Variants in SLC26A11 observed in about 807,000 individuals in gnomAD.
SLC26A11 encodes sodium-independent sulfate anion transporter.
In SLC26A11, 58 loss-of-function variants were observed where a neutral mutation model predicts 62.2. The observed-to-expected ratio is 0.93, with a 90% CI of 0.76 to 1.16. The LOEUF (loss-of-function observed/expected upper bound fraction) is 1.16. Among genes scored for constraint, SLC26A11 ranks in the 50% most tolerant of loss-of-function variants. The pLI, the probability that SLC26A11 is intolerant of heterozygous loss-of-function variation, is 0.00. For missense variants in SLC26A11, 790 were observed against 794.3 expected (o/e 0.99, Z 0.06); for synonymous variants, 411 against 368.9 (o/e 1.11, Z -1.31).
At chr17:80,234,505 C>G (rs2042641946) in intron 7 of SLC26A11, among the ~76,000 whole-genome samples, 1 of 151,608 alleles carries the variant, frequency 6.6e-6, no homozygotes, top group South Asian at 2.1e-4. Context: ...TGTGTTTATG[C>G]TTGTGATTCA....
intron 9 of SLC26A11, among the ~76,000 whole-genome samples, chr17:80,240,900 T>C (rs372715970): frequency 1.3e-5 from 2 of 152,166 alleles, no homozygotes; most frequent in African/African-American, 4.8e-5. Flanking sequence ...TGCTTGAGCT[T>C]AGGAGTTTGA....
At position 80,246,880 on chromosome 17, in the gene SLC26A11, G is replaced by A. The variant is rs1037611264; in HGVS notation, c.1294+231G>A. On this transcript the variant is annotated intron_variant, in intron 13 of 17. Coordinates refer to ENST00000361193, the MANE Select transcript of SLC26A11 (RefSeq NM_001166347.2). The surrounding 1 kb of genome is among the most constrained non-coding windows in gnomAD (Gnocchi z 4.4). Reference sequence around the variant, plus strand: ...CCTGACACCTGGGGTCTTGAGGCGAGCACTGACCCGGGGGAGGGTCCCCTC... The same window carrying A: ...CCTGACACCTGGGGTCTTGAGGCGAACACTGACCCGGGGGAGGGTCCCCTC... 3.3e-5 allele frequency among the ~76,000 whole-genome samples: 5 copies of A among 151,988 alleles called. No homozygotes were observed. Among genetic ancestry groups the A allele is most frequent in the Admixed American group, 2.6e-4 (4 of 15,268 alleles).
Position 80,222,946 on chromosome 17 carries a change from GGT to G in SLC26A11, c.427+103_427+104del. The G allele has an allele frequency of 7.5e-7, 1 of 1,332,858 alleles. No homozygotes were observed. Among genetic ancestry groups the G allele is most frequent in the Non-Finnish European group, 1.0e-6 (1 of 961,524 alleles). The allele number at this position is 1,332,858 out of a possible 1,614,324, so 82.6% of individuals were successfully genotyped here. A position where few individuals can be genotyped will look rare whatever the true frequency, so the allele number is the denominator to read the frequency against. On this transcript the variant is annotated intron_variant, in intron 4 of 17. Coordinates refer to ENST00000361193, the MANE Select transcript of SLC26A11 (RefSeq NM_001166347.2). This position sits in a 1 kb window ranked among gnomAD's most constrained non-coding sequence, Gnocchi z 4.7. ...CCGTGTGCGTGTGTGTGCGTGTTGG[GGT>G]GTGGGTATGTATGTGTGTGTGTGTA...
chr17:80,228,067 C>T lies in SLC26A11; in HGVS notation c.736+107C>T. 3.0e-6 allele frequency: 3 copies of T among 986,804 alleles called. No individual in the cohort carries two copies. Among genetic ancestry groups the T allele is most frequent in the Non-Finnish European group, 4.5e-6 (3 of 671,944 alleles). The allele number at this position is 986,804 out of a possible 1,614,324, so 61.1% of individuals were successfully genotyped here. The stretch of plus-strand genomic sequence containing the variant: ...ATTCTCACGTCATTGGTCTGGGTGT[C>T]ACTTGAGCATTGGGACATTTAAAAC... On this transcript the variant is annotated intron_variant, in intron 7 of 17. Transcript: ENST00000361193. This position sits in a 1 kb window ranked among gnomAD's most constrained non-coding sequence, Gnocchi z 4.1.
chr17:80,244,001 C>G (rs2042930798), intron 10 of SLC26A11, among the ~76,000 whole-genome samples: 1 of 152,218 alleles, frequency 6.6e-6, no homozygotes, highest in Non-Finnish European at 1.5e-5. Flanking sequence ...CTCTACCGAG[C>G]CCTCCCACGC....
At chr17:80,229,881 C>T (rs1242537829) in intron 7 of SLC26A11, among the ~76,000 whole-genome samples, 2 of 152,092 alleles carry the variant, frequency 1.3e-5, no homozygotes, top group Admixed American at 6.6e-5. Context: ...CAGGGCACGC[C>T]CAGGGGATTC....
chr17:80,249,036 G>A (rs572888417), intron 15 of SLC26A11, 118 bp from the exon 16 acceptor site: 27 of 1,306,082 alleles, frequency 2.1e-5, no homozygotes, highest in Non-Finnish European at 2.7e-5. Flanking sequence ...CAGCCGCCAC[G>A]AGATGGAGCA....
At chr17:80,234,769 C>A (rs1221255293) in intron 7 of SLC26A11, among the ~76,000 whole-genome samples, 1 of 151,678 alleles carries the variant, frequency 6.6e-6, no homozygotes, top group Non-Finnish European at 1.5e-5. Context: ...AATGTCTCAG[C>A]TGTTGTAATT....
chr17:80,248,271 G>T lies in SLC26A11; in HGVS notation c.1422+14G>T. ...CCTGAGACCAAGGTACCCCTCCGTG[G>T]CCTCTGAGTGGGGAGTGTGCTGGGG... On this transcript the variant is annotated intron_variant, in intron 14 of 17. Transcript: ENST00000361193. The T allele has an allele frequency of 6.2e-7, 1 of 1,603,214 alleles. No homozygotes were observed. Among genetic ancestry groups the T allele is most frequent in the Non-Finnish European group, 8.5e-7 (1 of 1,176,732 alleles).
chr17:80,238,410 G>A (rs946463357), intron 9 of SLC26A11, among the ~76,000 whole-genome samples: 2 of 152,230 alleles, frequency 1.3e-5, no homozygotes, highest in South Asian at 4.1e-4. Context: ...TTAGTAACAG[G>A]CTCACAAAAC....
At position 80,246,198 on chromosome 17, in the gene SLC26A11, G is replaced by T. The variant is rs746911139; in HGVS notation, c.1142G>T (p.Gly381Val). The T allele has an allele frequency of 1.6e-5, 26 of 1,611,800 alleles. No individual in the cohort carries two copies. Among genetic ancestry groups the T allele is most frequent in the African/African-American group, 2.7e-5 (2 of 74,914 alleles). ...AQSGVCTPAG[G>V]LVTGVLVLLS... ...TCGGGGGTGTGCACCCCGGCGGGGG[G>T]CCTGGTGACGGGTAAGGCCCCCCAT... The change falls in exon 12 of 18, where the codon GGC (glycine) becomes GTC (valine). Residue 381 changes from glycine (G) to valine (V), a missense_variant. Transcript: ENST00000361193. This position sits in a 1 kb window ranked among gnomAD's most constrained non-coding sequence, Gnocchi z 4.4.
Position 80,236,947 on chromosome 17 carries a change from C to G in SLC26A11, c.756C>G (p.Val252=), listed in dbSNP as rs1349343216. The G allele has an allele frequency of 1.2e-6, 2 of 1,613,180 alleles. No individual in the cohort carries two copies. The highest frequency in any genetic ancestry group is 1.7e-5 in the Admixed American group (1 of 59,996). ...AATTARNALV[V]SFAALVAYSF... ...TCCTAGCTCGCAACGCCCTGGTGGT[C>G]TCCTTCGCAGCCCTGGTTGCGTACT... is the stretch of plus-strand genomic sequence containing the variant. The change falls in exon 8 of 18, where the codon GTC becomes GTG. Residue 252 remains valine, a synonymous_variant. Transcript: ENST00000361193.
At chr17:80,250,624 T>A (rs2043131265) in intron 16 of SLC26A11, among the ~76,000 whole-genome samples, 1 of 148,566 alleles carries the variant, frequency 6.7e-6, no homozygotes, top group Non-Finnish European at 1.5e-5. Flanking sequence ...GTCAAGGGTT[T>A]GAGACCAGCC....
intron 10 of SLC26A11, among the ~76,000 whole-genome samples, chr17:80,244,742 C>T (rs1324716811): frequency 1.3e-5 from 2 of 151,640 alleles, no homozygotes; most frequent in Non-Finnish European, 2.9e-5. Context: ...TTTGGGAGGT[C>T]GAAGCGGGTG....
intron 5 of SLC26A11, among the ~76,000 whole-genome samples, chr17:80,225,169 C>T (rs988935282): frequency 1.3e-5 from 2 of 151,994 alleles, no homozygotes; most frequent in Non-Finnish European, 1.5e-5. Flanking sequence ...GCAAGACCCC[C>T]ACCCCCCAAC....
At chr17:80,226,716 C>T (rs2042423023) in intron 6 of SLC26A11, among the ~76,000 whole-genome samples, 1 of 152,120 alleles carries the variant, frequency 6.6e-6, no homozygotes, top group South Asian at 2.1e-4. Context: ...TGCCCTGCCC[C>T]CCCGAAAAGA....
In SLC26A11 at chr17:80,252,043, A is replaced by G. The variant is rs991802224; in HGVS notation, c.1730-582A>G. 4.6e-5 allele frequency among the ~76,000 whole-genome samples: 7 copies of G among 152,134 alleles called. No homozygotes were observed. The highest frequency in any genetic ancestry group is 1.7e-4 in the African/African-American group (7 of 41,430). On this transcript the variant is annotated intron_variant, in intron 17 of 17. Transcript: ENST00000361193. This position sits in a 1 kb window ranked among gnomAD's most constrained non-coding sequence, Gnocchi z 5.2. ...AGGAGATCCAGAAGCCCCGGGACAGAAGGTACGGGAGGGACAGGAGCAGGG... is the reference window on the plus strand; with the variant it reads ...AGGAGATCCAGAAGCCCCGGGACAGGAGGTACGGGAGGGACAGGAGCAGGG...
intron 7 of SLC26A11, among the ~76,000 whole-genome samples, chr17:80,231,883 T>C (rs575697914): frequency 2.3e-4 from 35 of 152,354 alleles, no homozygotes; most frequent in African/African-American, 8.4e-4. Flanking sequence ...GAATATTCTG[T>C]GTGTGCTTGA....
chr17:80,237,389 A>G lies in SLC26A11; in HGVS notation c.913-133A>G, dbSNP rs547532451. ...GCACCTGGCGCCTCTTCAGACAAGGAGGCGGATCCTGCAGCTGACAAGCAC... is the reference window on the plus strand; with the variant it reads ...GCACCTGGCGCCTCTTCAGACAAGGGGGCGGATCCTGCAGCTGACAAGCAC... On this transcript the variant is annotated intron_variant, in intron 8 of 17. Coordinates refer to ENST00000361193, the MANE Select transcript of SLC26A11 (RefSeq NM_001166347.2). The G allele has an allele frequency of 1.6e-5, 14 of 879,360 alleles. No individual in the cohort carries two copies. In the African/African-American group the frequency reaches 2.0e-4, roughly 13 times the overall value. The allele number at this position is 879,360 out of a possible 1,614,324, so 54.5% of individuals were successfully genotyped here.
Sources: allele counts gnomAD v4.1 joint callset (sites outside exome capture counted in the v4.1 genomes callset), GRCh38; gene constraint gnomAD v4.1.1; non-coding constraint Gnocchi (gnomAD v3.1); transcripts MANE v1.5; gene names NCBI Gene and HGNC (gene_info 2026-07-23, HGNC 2026-07-21).